VOPP1: variants seen among roughly 807,000 people sequenced by gnomAD.
The protein encoded by VOPP1 is WW domain binding protein VOPP1.
Under a neutral mutation model 23.5 loss-of-function variants are expected in VOPP1, and 8 were observed. The ratio of observed to expected loss-of-function variants is 0.34; its 90% CI spans 0.20 to 0.61. The LOEUF (loss-of-function observed/expected upper bound fraction) is 0.61, where lower values mean the gene tolerates loss of function less well. Ranked by LOEUF, VOPP1 falls within the 20% of genes least tolerant of loss-of-function variation. The pLI, the probability that VOPP1 is intolerant of heterozygous loss-of-function variation, is 0.78. For missense variants in VOPP1, 174 were observed against 238.1 expected, an observed-to-expected ratio of 0.73 and a Z score of 1.77; for synonymous variants, 83 against 97.3, an observed-to-expected ratio of 0.85 and a Z score of 0.86.
chr7:55,566,184 T>C (rs538459622), intron 1 of VOPP1, among the ~76,000 whole-genome samples: 4 of 151,962 alleles, frequency 2.6e-5, no homozygotes, highest in African/African-American at 9.7e-5. Flanking sequence ...GAGGTGGGGG[T>C]GGTGGGAGTT....
intron 1 of VOPP1, chr7:55,537,773 G>A (rs910475942): frequency 4.5e-6 from 6 of 1,319,010 alleles, no homozygotes; most frequent in Non-Finnish European, 4.9e-6. Context: ...CCAGGCCCAG[G>A]CCACCAAGGA....
intron 1 of VOPP1, among the ~76,000 whole-genome samples, chr7:55,557,159 A>G (rs944054609): frequency 6.6e-6 from 1 of 152,008 alleles, no homozygotes; most frequent in African/African-American, 2.4e-5. Context: ...GACCCCTTTC[A>G]TTATTTTAGG....
At chr7:55,538,398 T>TA (rs934210372) in intron 1 of VOPP1, among the ~76,000 whole-genome samples, 20 of 152,194 alleles carry the variant, frequency 1.3e-4, no homozygotes, top group African/African-American at 4.8e-4. Flanking sequence ...TATTCAGACT[T>TA]ATTCTTGAAA....
chr7:55,457,868 G>T (rs1791408114), intron 4 of VOPP1, among the ~76,000 whole-genome samples: 1 of 151,774 alleles, frequency 6.6e-6, no homozygotes, highest in South Asian at 2.1e-4. Context: ...TAAATAGTTT[G>T]CACATATTTT....
chr7:55,552,153 G>A (rs2129054056), intron 1 of VOPP1, among the ~76,000 whole-genome samples: 1 of 152,254 alleles, frequency 6.6e-6, no homozygotes, highest in Non-Finnish European at 1.5e-5. Context: ...TACAAGGGTT[G>A]AGGTCTGTGC....
At chr7:55,465,845 G>C (rs1006451215), downstream of VOPP1, among the ~76,000 whole-genome samples, 1 of 152,084 alleles carries the variant, frequency 6.6e-6, no homozygotes, top group Admixed American at 6.6e-5. Flanking sequence ...AGGTCCACAG[G>C]GACTCTCTCA....
chr7:55,455,860 A>G (rs1202643459), intron 4 of VOPP1, among the ~76,000 whole-genome samples: 1 of 152,162 alleles, frequency 6.6e-6, no homozygotes, highest in East Asian at 1.9e-4. Context: ...CTAGAAGAAA[A>G]CCTAGGCAAT....
intron 1 of VOPP1, chr7:55,539,619 C>T (rs1208490699): frequency 6.9e-6 from 1 of 145,212 alleles, no homozygotes; most frequent in Non-Finnish European, 1.5e-5. Flanking sequence ...GGAAACAAAG[C>T]ATGTGAATAA....
intron 1 of VOPP1, among the ~76,000 whole-genome samples, chr7:55,567,925 G>A (rs542408243): frequency 3.3e-5 from 5 of 152,226 alleles, no homozygotes; most frequent in East Asian, 1.9e-4. Flanking sequence ...TTTGGCAAGA[G>A]ACAAAAAACA....
intron 1 of VOPP1, among the ~76,000 whole-genome samples, chr7:55,567,176 G>A (rs935729065): frequency 6.6e-6 from 1 of 152,162 alleles, no homozygotes; most frequent in Admixed American, 6.5e-5. Flanking sequence ...TACCACTGAC[G>A]GCTTTACTCA....
chr7:55,554,990 C>G (rs533902914), intron 1 of VOPP1, among the ~76,000 whole-genome samples: 1 of 152,110 alleles, frequency 6.6e-6, no homozygotes, highest in African/African-American at 2.4e-5. Context: ...TGCTTTTTGC[C>G]GCATCTCCCG....
intron 2 of VOPP1, among the ~76,000 whole-genome samples, chr7:55,519,165 C>G (rs116890377): frequency 6.6e-6 from 1 of 152,316 alleles, no homozygotes; most frequent in East Asian, 1.9e-4. Flanking sequence ...GGTGACTTCA[C>G]TTTTCCATTT....
At position 55,529,024 on chromosome 7, in the gene VOPP1, C is replaced by T. The variant is rs568611994; in HGVS notation, c.55-7894G>A. ...GTGTGATTTCTTTTTAAAATATCTC[C>T]CTACTGAAGCCTTCAATTCTGATGA... On this transcript the variant is annotated intron_variant, in intron 1 of 4. Coordinates refer to ENST00000285279, the MANE Select transcript of VOPP1 (RefSeq NM_030796.5). 2.0e-5 allele frequency among the ~76,000 whole-genome samples: 3 copies of T among 152,212 alleles called. No homozygotes were observed. In the South Asian group the frequency reaches 6.2e-4, roughly 32 times the overall value.
At chr7:55,497,381 G>A (rs1238343140) in intron 3 of VOPP1, among the ~76,000 whole-genome samples, 7 of 152,222 alleles carry the variant, frequency 4.6e-5, no homozygotes, top group Admixed American at 2.6e-4. Context: ...CAGAAGCAGA[G>A]CTCTTCTTCC....
chr7:55,546,701 G>A (rs1797379560), intron 1 of VOPP1, among the ~76,000 whole-genome samples: 1 of 152,106 alleles, frequency 6.6e-6, no homozygotes, highest in Non-Finnish European at 1.5e-5. Flanking sequence ...CAAATATATT[G>A]TGCTCCCCCG....
chr7:55,454,150 C>T (rs1791310149), intron 4 of VOPP1, among the ~76,000 whole-genome samples: 1 of 152,106 alleles, frequency 6.6e-6, no homozygotes, highest in South Asian at 2.1e-4. Flanking sequence ...TAGCTCTCAC[C>T]TCAGTCATTT....
intron 1 of VOPP1, among the ~76,000 whole-genome samples, chr7:55,570,670 C>A (rs958839240): frequency 2.6e-5 from 4 of 152,114 alleles, no homozygotes; most frequent in Admixed American, 2.6e-4. Context: ...GGGCCGGGCG[C>A]GGTGGCTCAC....
chr7:55,523,764 C>G (rs570601745), intron 1 of VOPP1, among the ~76,000 whole-genome samples: 2 of 152,060 alleles, frequency 1.3e-5, no homozygotes, highest in African/African-American at 2.4e-5. Context: ...TGCTCACTTC[C>G]TAAACAAAAT....
intron 1 of VOPP1, among the ~76,000 whole-genome samples, chr7:55,558,363 A>T (rs910250074): frequency 6.6e-6 from 1 of 152,216 alleles, no homozygotes; most frequent in Admixed American, 6.5e-5. Flanking sequence ...ATGTCAAAAA[A>T]AATTAAATAC....
Sources: gnomAD v4.1 joint callset for allele counts (sites outside exome capture counted in the v4.1 genomes callset) on GRCh38, gnomAD v4.1.1 for gene constraint, MANE v1.5 for transcripts, NCBI Gene and HGNC (gene_info 2026-07-23, HGNC 2026-07-21) for gene names.